Variants in GPR155 observed in about 807,000 individuals in gnomAD.
GPR155 encodes the protein lysosomal cholesterol signaling protein.
A neutral mutation model predicts 93.1 loss-of-function variants in GPR155; 65 were observed. The observed-to-expected ratio is 0.70, with a 90% CI of 0.57 to 0.86. GPR155 has a LOEUF of 0.86. Among genes scored for constraint, GPR155 ranks in the 40% least tolerant of loss-of-function variants. The pLI is 0.00. For missense variants in GPR155, 838 were observed against 1,034.8 expected (o/e 0.81, Z 2.61); for synonymous variants, 319 against 360.1 (o/e 0.89, Z 1.29).
At chr2:174,469,934 T>C (rs746196376) in intron 4 of GPR155, among the ~76,000 whole-genome samples, 2 of 152,164 alleles carry the variant, frequency 1.3e-5, no homozygotes, top group African/African-American at 2.4e-5. Flanking sequence ...CAATCTTAAC[T>C]CACTGCAACC....
chr2:174,482,085 C>T, intron 1 of GPR155, 98 bp from the exon 2 acceptor site: 1 of 632,590 alleles, frequency 1.6e-6, no homozygotes, highest in Non-Finnish European at 2.8e-6. Flanking sequence ...TATTAAATGG[C>T]CAAATAAATA....
chr2:174,441,998 C>G, intron 14 of GPR155, 121 bp downstream of exon 14: 2 of 661,542 alleles, frequency 3.0e-6, no homozygotes, highest in South Asian at 1.6e-5. Flanking sequence ...TCTGCCCACC[C>G]TGGCCTCCCA....
Position 174,473,208 on chromosome 2 carries a change from ATTT to A in GPR155, c.614_616del (p.Lys205del). On this transcript the variant is annotated inframe_deletion, in exon 3 of 16. Transcript: ENST00000392552. ...TACACGCAGGAGTCCGAGTCCCACA[ATTT>A]TTATTTTATTTTGAGAAGCATTTTG... 6.2e-7 allele frequency: 1 copy of A among 1,613,822 alleles called. No homozygotes were observed. Among genetic ancestry groups the A allele is most frequent in the Non-Finnish European group, 8.5e-7 (1 of 1,179,800 alleles).
intron 15 of GPR155, 145 bp downstream of exon 15, chr2:174,439,753 A>C: frequency 1.6e-6 from 1 of 644,810 alleles, no homozygotes; most frequent in Non-Finnish European, 2.6e-6. Flanking sequence ...AAACTCACTC[A>C]TAATTCCTGT....
At chr2:174,448,950 C>A (rs1687238678) in intron 11 of GPR155, among the ~76,000 whole-genome samples, 2 of 152,146 alleles carry the variant, frequency 1.3e-5, no homozygotes, top group South Asian at 4.1e-4. Context: ...AGTAGACAGA[C>A]AACCTACAGA....
chr2:174,447,341 A>T (rs920158488), intron 11 of GPR155, among the ~76,000 whole-genome samples: 3 of 147,494 alleles, frequency 2.0e-5, no homozygotes, highest in Non-Finnish European at 3.0e-5. Context: ...AAAATAATAA[A>T]AAATTATATA....
intron 3 of GPR155, 137 bp downstream of exon 3, chr2:174,472,828 C>T: frequency 1.6e-6 from 1 of 642,492 alleles, no homozygotes; most frequent in Non-Finnish European, 2.6e-6. Context: ...ATCACATTTT[C>T]CTTTATCTCA....
chr2:174,465,041 T>A (rs763289386), intron 7 of GPR155, among the ~76,000 whole-genome samples: 1 of 152,140 alleles, frequency 6.6e-6, no homozygotes, highest in Non-Finnish European at 1.5e-5. Flanking sequence ...CAGACAGAAT[T>A]TTTCACAAAC....
At chr2:174,449,516 T>C (rs1041925550) in intron 11 of GPR155, among the ~76,000 whole-genome samples, 7 of 152,214 alleles carry the variant, frequency 4.6e-5, no homozygotes, top group Admixed American at 4.6e-4. Context: ...GAAAATGTGC[T>C]ACATATATAC....
At position 174,439,941 on chromosome 2, in the gene GPR155, A is replaced by T. The variant is rs553486864; in HGVS notation, c.2269T>A (p.Tyr757Asn). The T allele has an allele frequency of 7.0e-5, 113 of 1,613,222 alleles. No homozygotes were observed. Among genetic ancestry groups the T allele is most frequent in the Middle Eastern group, 1.6e-4 (1 of 6,080 alleles). The change falls in exon 15 of 16, where the codon TAT becomes AAT. Residue 757 changes from tyrosine (Y) to asparagine (N), a missense_variant. Coordinates refer to ENST00000392552, the MANE Select transcript of GPR155 (RefSeq NM_152529.7). The stretch of plus-strand genomic sequence containing the variant: ...TTTCGGATACAGAGGTCACGGTGAT[A>T]ATGGATAAATTGTTGACAGGTCATT... Reference protein sequence around the residue: ...IKMTCQQFIHYHRDLCIRNIV... With the variant: ...IKMTCQQFIHNHRDLCIRNIV...
intron 7 of GPR155, among the ~76,000 whole-genome samples, chr2:174,463,233 T>TG (rs1186036436): frequency 6.6e-6 from 1 of 151,940 alleles, no homozygotes; most frequent in East Asian, 1.9e-4. Flanking sequence ...ATTTTAGAGA[T>TG]GGGGGTCTCA....
rs907745399 is a variant in GPR155, at chr2:174,435,219, G to A, written c.*897C>T. The A allele has an allele frequency of 6.6e-6, 1 of 152,056 alleles. No homozygotes were observed. The highest frequency in any genetic ancestry group is 6.6e-5 in the Admixed American group (1 of 15,250). The allele number at this position is 152,056 out of a possible 1,614,324, so 9.4% of individuals were successfully genotyped here. The stretch of plus-strand genomic sequence containing the variant: ...TACAGTTGACCCTCCATATGCACAG[G>A]TTCCACATCCATAGATTCAATCAAC... On this transcript the variant is annotated 3_prime_UTR_variant, in exon 16 of 16. Coordinates refer to ENST00000392552, the MANE Select transcript of GPR155 (RefSeq NM_152529.7).
chr2:174,484,205 A>C (rs1034177972), intron 1 of GPR155, among the ~76,000 whole-genome samples: 15 of 152,230 alleles, frequency 9.9e-5, no homozygotes, highest in Non-Finnish European at 1.8e-4. Context: ...CATGAAACCT[A>C]CACTACTCAC....
At position 174,433,220 on chromosome 2, in the gene GPR155, C is replaced by T. The variant is rs2105650573; in HGVS notation, c.*2896G>A. ...TTAAAATAAGTTAAACTAGCACTGA[C>T]ATCTAATAATTAAGATGCTCAAAGG... On this transcript the variant is annotated 3_prime_UTR_variant, in exon 16 of 16. Coordinates refer to ENST00000392552, the MANE Select transcript of GPR155 (RefSeq NM_152529.7). 1 of 152,282 alleles carries T rather than the reference C, an allele frequency of 6.6e-6. No individual in the cohort carries two copies. The highest frequency in any genetic ancestry group is 2.1e-4 in the South Asian group (1 of 4,830). 9.4% of individuals were successfully genotyped at this position (152,282 alleles called of 1,614,324 possible).
chr2:174,450,747 A>G (rs537719013), intron 11 of GPR155, among the ~76,000 whole-genome samples: 1 of 152,262 alleles, frequency 6.6e-6, no homozygotes, highest in East Asian at 1.9e-4. Flanking sequence ...GTGATTAAAA[A>G]CCACAATTCT....
chr2:174,477,485 T>C (rs1190456857), intron 2 of GPR155, among the ~76,000 whole-genome samples: 1 of 152,296 alleles, frequency 6.6e-6, no homozygotes, highest in Non-Finnish European at 1.5e-5. Context: ...TGAACAAGCA[T>C]AGAGGCAGAA....
intron 4 of GPR155, 105 bp downstream of exon 4, chr2:174,470,285 T>G (rs926289435): frequency 2.1e-6 from 2 of 936,840 alleles, no homozygotes. Flanking sequence ...CCCCGTCGTC[T>G]CTATTTTTTC....
intron 11 of GPR155, among the ~76,000 whole-genome samples, chr2:174,452,538 T>C (rs879809794): frequency 6.6e-6 from 1 of 152,254 alleles, no homozygotes; most frequent in African/African-American, 2.4e-5. Flanking sequence ...TATAAATAAG[T>C]ATAATCAACG....
chr2:174,451,131 G>A (rs769431212), intron 11 of GPR155, among the ~76,000 whole-genome samples: 4 of 151,996 alleles, frequency 2.6e-5, no homozygotes, highest in Non-Finnish European at 5.9e-5. Flanking sequence ...CCAACATGGT[G>A]AAACCCCGTC....
Sources: allele counts gnomAD v4.1 joint callset (sites outside exome capture counted in the v4.1 genomes callset), GRCh38; gene constraint gnomAD v4.1.1; transcripts MANE v1.5; gene names NCBI Gene and HGNC (gene_info 2026-07-23, HGNC 2026-07-21).